Variants in NXPH2 observed in about 807,000 individuals in gnomAD.
The protein encoded by NXPH2 is neurexophilin-2.
A neutral mutation model predicts 19.8 loss-of-function variants in NXPH2; 5 were observed. The observed-to-expected ratio is 0.25, with a 90% CI of 0.13 to 0.53. The LOEUF (loss-of-function observed/expected upper bound fraction) is 0.53. Ranked by LOEUF, NXPH2 falls within the 20% of genes least tolerant of loss-of-function variation. The pLI is 0.96. For missense variants in NXPH2, 289 were observed against 322.8 expected (o/e 0.90, Z 0.80); for synonymous variants, 154 against 127.4 (o/e 1.21, Z -1.41).
intron 1 of NXPH2, among the ~76,000 whole-genome samples, chr2:138,706,888 G>A (rs563343998): frequency 2.1e-4 from 32 of 151,790 alleles, no homozygotes; most frequent in African/African-American, 5.3e-4. Context: ...GGGTAACACC[G>A]TGAGACCCTG....
intron 1 of NXPH2, among the ~76,000 whole-genome samples, chr2:138,706,728 A>G (rs1406561671): frequency 2.0e-5 from 3 of 151,960 alleles, no homozygotes; most frequent in African/African-American, 7.2e-5. Context: ...CCTGGGCAAC[A>G]TAGAAAGACT....
intron 1 of NXPH2, among the ~76,000 whole-genome samples, chr2:138,736,558 C>T (rs2105003290): frequency 6.6e-6 from 1 of 152,304 alleles, no homozygotes; most frequent in South Asian, 2.1e-4. Context: ...TCCCAGGCTT[C>T]TGGCCTGTAA....
intron 1 of NXPH2, among the ~76,000 whole-genome samples, chr2:138,691,679 T>G (rs1261311369): frequency 6.6e-6 from 1 of 152,162 alleles, no homozygotes; most frequent in Non-Finnish European, 1.5e-5. Context: ...GTAATCACTT[T>G]GCTGGAAAGA....
intron 1 of NXPH2, among the ~76,000 whole-genome samples, chr2:138,677,636 C>T (rs1171958630): frequency 6.6e-6 from 1 of 152,084 alleles, no homozygotes. Context: ...TTGAATTTTA[C>T]TGATAATTAA....
At chr2:138,737,777 A>T (rs539381829) in intron 1 of NXPH2, among the ~76,000 whole-genome samples, 2 of 152,284 alleles carry the variant, frequency 1.3e-5, no homozygotes, top group Admixed American at 1.3e-4. Context: ...GCAACTAAAA[A>T]AGTGGAGAGC....
intron 1 of NXPH2, among the ~76,000 whole-genome samples, chr2:138,762,540 T>C (rs1306508990): frequency 6.6e-6 from 1 of 152,206 alleles, no homozygotes; most frequent in African/African-American, 2.4e-5. Flanking sequence ...CTTGGTCACA[T>C]GCCTTCACCA....
At position 138,670,827 on chromosome 2, in the gene NXPH2, A is replaced by G. The variant is rs537611819; in HGVS notation, c.*95T>C. 7.4e-7 allele frequency: 1 copy of G among 1,357,292 alleles called. No individual in the cohort carries two copies. Among genetic ancestry groups the G allele is most frequent in the African/African-American group, 1.5e-5 (1 of 68,852 alleles). 84.1% of individuals were successfully genotyped at this position (1,357,292 alleles called of 1,614,324 possible). A position where few individuals can be genotyped will look rare whatever the true frequency, so the allele number is the denominator to read the frequency against. ...AGGGAACTATTGTTCACTGCCAGAA[A>G]CAAAAGGGATCCTTTATCATAAAGA... On this transcript the variant is annotated 3_prime_UTR_variant, in exon 2 of 2. Coordinates refer to ENST00000272641, the MANE Select transcript of NXPH2 (RefSeq NM_007226.3).
intron 1 of NXPH2, among the ~76,000 whole-genome samples, chr2:138,776,616 GT>G (rs79767460): frequency 8.6e-4 from 121 of 140,102 alleles, no homozygotes; most frequent in East Asian, 3.6e-3. Flanking sequence ...ATATAGTGGT[GT>G]TTTTTTTTTT....
At chr2:138,685,538 G>T (rs62163193) in intron 1 of NXPH2, among the ~76,000 whole-genome samples, 36,147 of 152,100 alleles carry the variant, frequency 0.24, 9,022 homozygotes, top group African/African-American at 0.64. Flanking sequence ...CATTTAATAC[G>T]CTTAACCTAC....
At chr2:138,766,069 T>C (rs1682084414) in intron 1 of NXPH2, among the ~76,000 whole-genome samples, 1 of 152,182 alleles carries the variant, frequency 6.6e-6, no homozygotes, top group South Asian at 2.1e-4. Flanking sequence ...AGGCAAGGAA[T>C]ATCAGGGGGA....
intron 1 of NXPH2, among the ~76,000 whole-genome samples, chr2:138,753,302 G>A (rs1681852633): frequency 6.6e-6 from 1 of 152,014 alleles, no homozygotes; most frequent in South Asian, 2.1e-4. Flanking sequence ...TTGGCTCCTG[G>A]GTCCTTGTGA....
At position 138,743,952 on chromosome 2, in the gene NXPH2, G is replaced by A. The variant is rs149364630; in HGVS notation, c.51+36239C>T. ...CAGGAGGTGGAGGTTGCAGTGAGCC[G>A]AGATTGCGCCATTGCACTCCAGCCT... On this transcript the variant is annotated intron_variant, in intron 1 of 1. Coordinates refer to ENST00000272641, the MANE Select transcript of NXPH2 (RefSeq NM_007226.3). 1.6e-3 allele frequency among the ~76,000 whole-genome samples: 224 copies of A among 136,246 alleles called. 1 individual carries two copies. The highest frequency in any genetic ancestry group is 6.0e-3 in the African/African-American group (221 of 36,846). 89.4% of individuals were successfully genotyped at this position (136,246 alleles called of 152,430 possible).
At chr2:138,707,200 G>A (rs775209106) in intron 1 of NXPH2, among the ~76,000 whole-genome samples, 24 of 149,906 alleles carry the variant, frequency 1.6e-4, no homozygotes, top group South Asian at 2.1e-4. Context: ...TCAGTCAGGG[G>A]ATTCATATTC....
At chr2:138,690,703 T>C (rs1175345103) in intron 1 of NXPH2, among the ~76,000 whole-genome samples, 1 of 149,456 alleles carries the variant, frequency 6.7e-6, no homozygotes, top group Admixed American at 6.7e-5. Context: ...TCCTGTAACA[T>C]CCATTTCACA....
At chr2:138,697,080 G>C (rs1446209821) in intron 1 of NXPH2, among the ~76,000 whole-genome samples, 1 of 152,068 alleles carries the variant, frequency 6.6e-6, no homozygotes, top group Non-Finnish European at 1.5e-5. Flanking sequence ...CAGAAAATAA[G>C]AGTATATGTG....
intron 1 of NXPH2, among the ~76,000 whole-genome samples, chr2:138,715,114 T>C (rs1301633370): frequency 6.6e-6 from 1 of 152,218 alleles, no homozygotes; most frequent in African/African-American, 2.4e-5. Context: ...AAGAATTCTA[T>C]TTCATTGTAG....
chr2:138,690,232 C>A lies in NXPH2; in HGVS notation c.52-18567G>T, dbSNP rs191275590. On this transcript the variant is annotated intron_variant, in intron 1 of 1. Coordinates refer to ENST00000272641, the MANE Select transcript of NXPH2 (RefSeq NM_007226.3). ...CCTCCCTCATTTTCACTCTTGAATT[C>A]ATCACTAATTTGTATATTTTATCTC... Among the ~76,000 whole-genome samples the A allele has an allele frequency of 2.1e-3, 324 of 152,266 alleles. 3 individuals are homozygous for A. The highest frequency in any genetic ancestry group is 3.4e-3 in the Non-Finnish European group (230 of 68,014).
At chr2:138,771,577 C>G (rs1218099727) in intron 1 of NXPH2, among the ~76,000 whole-genome samples, 1 of 152,044 alleles carries the variant, frequency 6.6e-6, no homozygotes, top group South Asian at 2.1e-4. Flanking sequence ...GAAGCACTTC[C>G]GGGGAAGCCT....
rs70982073 is a variant in NXPH2, at chr2:138,707,094, C to CAAAAAAA, written c.52-35436_52-35430dup. Among the ~76,000 whole-genome samples the CAAAAAAA allele has an allele frequency of 2.3e-3, 81 of 34,832 alleles. 4 individuals carry two copies. Among genetic ancestry groups the CAAAAAAA allele is most frequent in the South Asian group, 6.2e-3 (2 of 322 alleles). The allele number at this position is 34,832 out of a possible 152,430, so 22.9% of individuals were successfully genotyped here. ...ATGACTTTAAGTACTTGCCCCATGA[C>CAAAAAAA]AAAAAAAAAAAAAAAAAAGAGCAAG... On this transcript the variant is annotated intron_variant, in intron 1 of 1. Transcript: ENST00000272641.
Sources: gnomAD v4.1 joint callset for allele counts (sites outside exome capture counted in the v4.1 genomes callset) on GRCh38, gnomAD v4.1.1 for gene constraint, MANE v1.5 for transcripts, NCBI Gene and HGNC (gene_info 2026-07-23, HGNC 2026-07-21) for gene names.